Variants in AP4E1 observed in about 807,000 individuals in gnomAD.
AP4E1 encodes AP-4 complex subunit epsilon-1.
A neutral mutation model predicts 128.2 loss-of-function variants in AP4E1; 56 were observed. That is an observed-to-expected ratio of 0.44 (90% confidence interval 0.35 to 0.55). AP4E1 has a LOEUF of 0.55. Ranked by LOEUF, AP4E1 falls within the 20% of genes least tolerant of loss-of-function variation. The probability of loss-of-function intolerance (pLI) is 0.00; values close to 1 mark genes in which losing one functional copy is unlikely to be tolerated. For synonymous variants in AP4E1, 484 were observed against 473.1 expected, an observed-to-expected ratio of 1.02 and a Z score of -0.30; for missense variants, 1,324 against 1,307.7, an observed-to-expected ratio of 1.01 and a Z score of -0.19.
intron 3 of AP4E1, 147 bp from the exon 4 acceptor site, chr15:50,923,784 A>C (rs2063736230): frequency 1.5e-6 from 1 of 646,454 alleles, no homozygotes. Context: ...TTCCTTACTG[A>C]AGGTTTTTAA....
At chr15:50,977,309 T>C (rs1351896377) in intron 15 of AP4E1, among the ~76,000 whole-genome samples, 1 of 152,188 alleles carries the variant, frequency 6.6e-6, no homozygotes, top group Non-Finnish European at 1.5e-5. Context: ...GCACTGCCTA[T>C]TTTGTTTCTT....
At chr15:50,998,005 T>G in intron 18 of AP4E1, 122 bp downstream of exon 18, 1 of 732,770 alleles carries the variant, frequency 1.4e-6, no homozygotes, top group Non-Finnish European at 2.2e-6. Context: ...TCAAATTATT[T>G]AGCAAAGTAG....
In AP4E1 at chr15:50,950,187, A is replaced by C. The variant is rs2064130057; in HGVS notation, c.1548+18A>C. The C allele has an allele frequency of 5.4e-6, 8 of 1,488,354 alleles. No individual in the cohort carries two copies. The South Asian group carries it at 9.3e-5, about 17-fold the overall frequency. The allele number at this position is 1,488,354 out of a possible 1,614,324, so 92.2% of individuals were successfully genotyped here. On this transcript the variant is annotated intron_variant, in intron 13 of 20. Transcript: ENST00000261842. ...TGAGTTGGGTGAGCAAAGTACCTTAAATCATAAATTTTTATAACATTTTTA... is the reference window on the plus strand; with the variant it reads ...TGAGTTGGGTGAGCAAAGTACCTTACATCATAAATTTTTATAACATTTTTA...
At chr15:50,964,956 C>CACACACACACACACAG (rs1491360711) in intron 14 of AP4E1, among the ~76,000 whole-genome samples, 3 of 4,452 alleles carry the variant, frequency 6.7e-4, no homozygotes, top group East Asian at 4.7e-3. Flanking sequence ...CTCCCCCTAC[C>CACACACACACACACAG]ACACACACAC....
At chr15:50,928,736 A>C (rs2063796480) in intron 5 of AP4E1, among the ~76,000 whole-genome samples, 1 of 151,082 alleles carries the variant, frequency 6.6e-6, no homozygotes, top group African/African-American at 2.4e-5. Flanking sequence ...TTAATCTCAA[A>C]AGTAATATAT....
chr15:50,949,569 C>T (rs1191524915), intron 11 of AP4E1, among the ~76,000 whole-genome samples: 1 of 151,998 alleles, frequency 6.6e-6, no homozygotes, highest in East Asian at 1.9e-4. Context: ...AGTTATTTCA[C>T]ATTTATTTAT....
chr15:50,958,751 T>A lies in AP4E1; in HGVS notation c.1808T>A (p.Met603Lys). 1 of 1,614,180 alleles carries A rather than the reference T, an allele frequency of 6.2e-7. No homozygotes were observed. Among genetic ancestry groups the A allele is most frequent in the Non-Finnish European group, 8.5e-7 (1 of 1,180,006 alleles). ...LKHLHENVEL[M>K]KSLLPVDRSC... Reference sequence around the variant, plus strand: ...CATTTGCATGAGAATGTGGAACTTATGAAGAGCTTGCTTCCAGTTGACAGG... The same window carrying A: ...CATTTGCATGAGAATGTGGAACTTAAGAAGAGCTTGCTTCCAGTTGACAGG... The change falls in exon 14 of 21, where the codon ATG becomes AAG. Residue 603 changes from methionine (M) to lysine (K), a missense_variant. Transcript: ENST00000261842.
At chr15:50,942,039 C>T (rs548149542) in intron 10 of AP4E1, among the ~76,000 whole-genome samples, 46 of 152,246 alleles carry the variant, frequency 3.0e-4, no homozygotes, top group African/African-American at 1.1e-3. Flanking sequence ...GCCTCAGCCT[C>T]CTGAGTAGCT....
intron 16 of AP4E1, 32 bp downstream of exon 16, chr15:50,984,177 T>G (rs376551462): frequency 5.3e-5 from 85 of 1,611,188 alleles, no homozygotes; most frequent in Non-Finnish European, 7.2e-5. Flanking sequence ...ATTGAGGTTA[T>G]GGGAGTGCTT....
chr15:50,981,915 G>A (rs147818316), intron 15 of AP4E1, among the ~76,000 whole-genome samples: 6,977 of 151,850 alleles, frequency 0.046, 524 homozygotes, highest in African/African-American at 0.16. Context: ...GAGAAACCAC[G>A]TCTCTACTAA....
intron 1 of AP4E1, among the ~76,000 whole-genome samples, chr15:50,910,070 T>A (rs2063546001): frequency 6.6e-6 from 1 of 152,206 alleles, no homozygotes; most frequent in African/African-American, 2.4e-5. Flanking sequence ...CACTGGAGCG[T>A]CTGCCTCCCG....
In AP4E1 at chr15:50,993,459, G is replaced by A. The variant is rs1037329377; in HGVS notation, c.2180G>A (p.Ser727Asn). 12 of 1,613,998 alleles carry A rather than the reference G, an allele frequency of 7.4e-6. No individual in the cohort carries two copies. The highest frequency in any genetic ancestry group is 9.3e-6 in the Non-Finnish European group (11 of 1,179,978). The change falls in exon 17 of 21, where the codon AGT becomes AAT. Residue 727 changes from serine (S) to asparagine (N), a missense_variant. Transcript: ENST00000261842. ...AAGGAAAGCAAAACTGGTGATGAAA[G>A]TGGAGCTCTGCCTGTTCCTCAAGAG... ...PKKESKTGDE[S>N]GALPVPQESI...
At chr15:50,978,627 G>A (rs1252894384) in intron 15 of AP4E1, among the ~76,000 whole-genome samples, 1 of 152,112 alleles carries the variant, frequency 6.6e-6, no homozygotes, top group African/African-American at 2.4e-5. Context: ...ATACTTCAGC[G>A]GCTCCCAACT....
chr15:50,949,797 A>G (rs959886803), intron 11 of AP4E1, 29 bp from the exon 12 acceptor site: 2 of 1,489,974 alleles, frequency 1.3e-6, no homozygotes, highest in Non-Finnish European at 1.9e-6. Context: ...AGCATTTGGA[A>G]GTGTACTTGT....
chr15:50,951,127 G>T (rs2064143804), intron 13 of AP4E1, among the ~76,000 whole-genome samples: 1 of 152,200 alleles, frequency 6.6e-6, no homozygotes, highest in Non-Finnish European at 1.5e-5. Flanking sequence ...GTTTCTGTGG[G>T]TCAAGAGTCC....
At chr15:50,989,692 C>G (rs1197953915) in intron 16 of AP4E1, among the ~76,000 whole-genome samples, 1 of 152,070 alleles carries the variant, frequency 6.6e-6, no homozygotes, top group Non-Finnish European at 1.5e-5. Flanking sequence ...ACACTTTTAC[C>G]TGCACAACAG....
intron 15 of AP4E1, among the ~76,000 whole-genome samples, chr15:50,972,384 G>A (rs1303120847): frequency 1.3e-5 from 2 of 151,844 alleles, no homozygotes; most frequent in African/African-American, 2.4e-5. Flanking sequence ...GCTAATTTTT[G>A]TATTTTTAGT....
At chr15:50,911,784 T>C (rs1040269144) in intron 1 of AP4E1, among the ~76,000 whole-genome samples, 1 of 152,062 alleles carries the variant, frequency 6.6e-6, no homozygotes, top group African/African-American at 2.4e-5. Context: ...GGCTTCCACC[T>C]TTAGTTTTAA....
rs776916843 is a variant in AP4E1, at chr15:51,001,132, G to A, written c.3202G>A (p.Ala1068Thr). The A allele has an allele frequency of 1.9e-6, 3 of 1,613,598 alleles. No homozygotes were observed. Among genetic ancestry groups the A allele is most frequent in the Middle Eastern group, 1.7e-4 (1 of 6,056 alleles). Residue 1068 changes from alanine to threonine, a missense_variant, in exon 20 of 21, where the codon GCA becomes ACA. Transcript: ENST00000261842. ...MSESQAALPS[A>T]LKTLQQKLRL... ...AGAATCTCAAGCTGCACTTCCTTCT[G>A]CACTAAAGACTCTGCAACAGAAACT...
Sources: gnomAD v4.1 joint callset for allele counts (sites outside exome capture counted in the v4.1 genomes callset) on GRCh38, gnomAD v4.1.1 for gene constraint, MANE v1.5 for transcripts, NCBI Gene and HGNC (gene_info 2026-07-23, HGNC 2026-07-21) for gene names.